Variants in PRKCB observed in about 807,000 individuals in gnomAD.
The protein encoded by PRKCB is protein kinase C beta type.
In PRKCB, 13 loss-of-function variants were observed where a neutral mutation model predicts 81.5. That is an observed-to-expected ratio of 0.16 (90% CI 0.10 to 0.25). PRKCB has a LOEUF of 0.25. Ranked by LOEUF, PRKCB falls within the 10% of genes least tolerant of loss-of-function variation. PRKCB has a pLI of 1.00. For missense variants in PRKCB, 509 were observed against 875.7 expected, an observed-to-expected ratio of 0.58 and a Z score of 5.29; for synonymous variants, 335 against 321.4, an observed-to-expected ratio of 1.04 and a Z score of -0.45.
intron 8 of PRKCB, among the ~76,000 whole-genome samples, chr16:24,113,459 C>A (rs187193078): frequency 6.8e-6 from 1 of 147,246 alleles, no homozygotes; most frequent in Non-Finnish European, 1.5e-5. Flanking sequence ...TTGTTTCTTT[C>A]TCTCTCCTTC....
intron 13 of PRKCB, among the ~76,000 whole-genome samples, chr16:24,183,954 G>A (rs1967665272): frequency 6.6e-6 from 1 of 152,176 alleles, no homozygotes; most frequent in Non-Finnish European, 1.5e-5. Flanking sequence ...TATACCATAT[G>A]ATACACCAAT....
chr16:23,988,117 G>A (rs1964825821), intron 2 of PRKCB, among the ~76,000 whole-genome samples: 1 of 152,120 alleles, frequency 6.6e-6, no homozygotes, highest in African/African-American at 2.4e-5. Context: ...AGGATTTAAA[G>A]ATACATATTT....
At chr16:23,999,070 G>A (rs1043946505) in intron 3 of PRKCB, among the ~76,000 whole-genome samples, 1 of 152,218 alleles carries the variant, frequency 6.6e-6, no homozygotes, top group African/African-American at 2.4e-5. Context: ...ACCTGAACTG[G>A]CTTGACTCAG....
At position 24,219,846 on chromosome 16, in the gene PRKCB, A is replaced by G. The variant is rs1968294416; in HGVS notation, c.*5030A>G. The stretch of plus-strand genomic sequence containing the variant: ...TGCAGCTGCTAAAAATTTTCAGCAC[A>G]GGGCTCTTTCTGACTCTGCTCATGA... On this transcript the variant is annotated 3_prime_UTR_variant, in exon 17 of 17. Transcript: ENST00000643927. 1 of 1,432,800 alleles carries G rather than the reference A, an allele frequency of 7.0e-7. No individual in the cohort carries two copies. Among genetic ancestry groups the G allele is most frequent in the Non-Finnish European group, 9.2e-7 (1 of 1,090,562 alleles). The allele number at this position is 1,432,800 out of a possible 1,614,324, so 88.8% of individuals were successfully genotyped here. A position where few individuals can be genotyped will look rare whatever the true frequency, so the allele number is the denominator to read the frequency against.
At chr16:24,079,407 T>G (rs1308429095) in intron 5 of PRKCB, among the ~76,000 whole-genome samples, 4 of 152,178 alleles carry the variant, frequency 2.6e-5, no homozygotes, top group African/African-American at 9.7e-5. Context: ...TTCCAGTTTG[T>G]TAAGAATTAG....
chr16:23,926,045 A>G (rs866937077), intron 2 of PRKCB, among the ~76,000 whole-genome samples: 8 of 151,902 alleles, frequency 5.3e-5, no homozygotes, highest in Non-Finnish European at 1.0e-4. Context: ...GAGGCTGACG[A>G]AGGAAGATCA....
chr16:24,114,995 T>C (rs1250782313), intron 8 of PRKCB, among the ~76,000 whole-genome samples: 2 of 152,076 alleles, frequency 1.3e-5, no homozygotes, highest in African/African-American at 2.4e-5. Context: ...AAGTTTACCA[T>C]GTAAAAAGAG....
At position 24,049,050 on chromosome 16, in the gene PRKCB, T is replaced by TTTTTTTG. The variant is rs1252868260; in HGVS notation, c.529+13509_529+13510insGTTTTTT. On this transcript the variant is annotated intron_variant, in intron 5 of 16. Transcript: ENST00000643927. ...TAACATTTCTTCAAATTGGCCTGTTTTTTTTTTTTTTTTTTTTTTTTTTTT... is the reference window on the plus strand; with the variant it reads ...TAACATTTCTTCAAATTGGCCTGTTTTTTTTTGTTTTTTTTTTTTTTTTTTTTTTTTT... Among the ~76,000 whole-genome samples the TTTTTTTG allele has an allele frequency of 6.3e-4, 61 of 96,868 alleles. 1 individual carries two copies. Among genetic ancestry groups the TTTTTTTG allele is most frequent in the African/African-American group, 2.3e-3 (60 of 25,802 alleles). The allele number at this position is 96,868 out of a possible 152,430, so 63.5% of individuals were successfully genotyped here. A position where few individuals can be genotyped will look rare whatever the true frequency, so the allele number is the denominator to read the frequency against.
rs548182539 is a variant in PRKCB, at chr16:23,999,543, A to G, written c.288+10953A>G. 2.6e-5 allele frequency among the ~76,000 whole-genome samples: 4 copies of G among 152,340 alleles called. No homozygotes were observed. The East Asian group carries it at 7.7e-4, about 29-fold the overall frequency. On this transcript the variant is annotated intron_variant, in intron 3 of 16. Coordinates refer to ENST00000643927, the MANE Select transcript of PRKCB (RefSeq NM_002738.7). ...TGGGCACTCGCCATTGGAGGGCCACAAAGTGTGGCAGAGTTCATGGATGAT... is the reference window on the plus strand; with the variant it reads ...TGGGCACTCGCCATTGGAGGGCCACGAAGTGTGGCAGAGTTCATGGATGAT...
At chr16:24,196,302 A>G (rs1426663050) in intron 16 of PRKCB, among the ~76,000 whole-genome samples, 1 of 152,218 alleles carries the variant, frequency 6.6e-6, no homozygotes, top group Non-Finnish European at 1.5e-5. Context: ...TTTGGGATAT[A>G]TATTAGAGTG....
intron 2 of PRKCB, among the ~76,000 whole-genome samples, chr16:23,904,911 T>A (rs1030156584): frequency 1.3e-5 from 2 of 152,158 alleles, no homozygotes; most frequent in Admixed American, 6.5e-5. Context: ...CCAGGCTTTT[T>A]AAGAAATCTG....
intron 2 of PRKCB, among the ~76,000 whole-genome samples, chr16:23,875,661 T>C (rs202095653): frequency 0.02 from 1,161 of 59,356 alleles, 83 homozygotes; most frequent in East Asian, 0.024. Flanking sequence ...ATATCACACA[T>C]ATATATGTAT....
chr16:23,848,893 G>A (rs1021700602), intron 2 of PRKCB, among the ~76,000 whole-genome samples: 1 of 152,192 alleles, frequency 6.6e-6, no homozygotes, highest in Non-Finnish European at 1.5e-5. Flanking sequence ...CTAGGACTGG[G>A]CACTGTCCTT....
intron 7 of PRKCB, among the ~76,000 whole-genome samples, chr16:24,097,786 C>T (rs145192273): frequency 6.6e-5 from 10 of 152,138 alleles, no homozygotes; most frequent in East Asian, 5.8e-4. Context: ...GAGGTGCTTC[C>T]GGGTCATAGG....
intron 15 of PRKCB, among the ~76,000 whole-genome samples, chr16:24,186,781 T>A (rs1043775803): frequency 3.3e-5 from 5 of 152,254 alleles, no homozygotes; most frequent in African/African-American, 1.2e-4. Context: ...CTTGTCACAC[T>A]GCCTAAATTC....
At chr16:23,917,430 G>C (rs1014204398) in intron 2 of PRKCB, among the ~76,000 whole-genome samples, 5 of 152,194 alleles carry the variant, frequency 3.3e-5, no homozygotes, top group African/African-American at 1.2e-4. Context: ...CATCCCTGGG[G>C]TGTTTCCAAA....
chr16:24,096,861 T>C (rs968108347), intron 7 of PRKCB, among the ~76,000 whole-genome samples: 1 of 151,066 alleles, frequency 6.6e-6, no homozygotes, highest in African/African-American at 2.4e-5. Context: ...AGATAAATTG[T>C]CTCATATCTG....
intron 11 of PRKCB, chr16:24,174,303 C>T (rs137932608): frequency 5.8e-6 from 3 of 518,666 alleles, no homozygotes; most frequent in African/African-American, 5.7e-5. Context: ...TGAACTTCTG[C>T]CTACCCCCAG....
intron 2 of PRKCB, among the ~76,000 whole-genome samples, chr16:23,939,471 C>T (rs572740337): frequency 5.3e-5 from 8 of 152,104 alleles, no homozygotes; most frequent in Non-Finnish European, 8.8e-5. Context: ...ATCAGTCTAC[C>T]GTAGTCAAGA....
Sources: allele counts gnomAD v4.1 joint callset (sites outside exome capture counted in the v4.1 genomes callset), GRCh38; gene constraint gnomAD v4.1.1; transcripts MANE v1.5; gene names NCBI Gene and HGNC (gene_info 2026-07-23, HGNC 2026-07-21).